The following RICTOR variants were observed in gnomAD, a reference collection of about 807,000 sequenced individuals.
RICTOR encodes rapamycin-insensitive companion of mTOR.
Under a neutral mutation model 214.9 loss-of-function variants are expected in RICTOR, and 49 were observed. That is an observed-to-expected ratio of 0.23 (90% CI 0.18 to 0.29). The LOEUF (loss-of-function observed/expected upper bound fraction) is 0.29. Among genes scored for constraint, RICTOR ranks in the 10% least tolerant of loss-of-function variants. The pLI is 1.00. For synonymous variants in RICTOR, 717 were observed against 711.3 expected (o/e 1.01, Z -0.13); for missense variants, 1,625 against 2,047.0 (o/e 0.79, Z 3.98).
chr5:39,066,608 T>G (rs994333567), intron 2 of RICTOR, among the ~76,000 whole-genome samples: 1 of 152,256 alleles, frequency 6.6e-6, no homozygotes, highest in Non-Finnish European at 1.5e-5. Context: ...CTTTATGCAG[T>G]GCTTCCTGTT....
Position 39,074,116 on chromosome 5 carries a change from G to A in RICTOR, c.92C>T (p.Thr31Ile), listed in dbSNP as rs755596387. 1 of 1,579,224 alleles carries A rather than the reference G, an allele frequency of 6.3e-7. No homozygotes were observed. Among genetic ancestry groups the A allele is most frequent in the Non-Finnish European group, 8.6e-7 (1 of 1,165,360 alleles). Residue 31 changes from threonine (T) to isoleucine (I), a missense_variant, in exon 2 of 38, where the codon ACC becomes ATC. Around this residue, in one of 5 missense-constraint regions of RICTOR, gnomAD observed 71 missense variants for 57.9 expected, o/e 1.23. Coordinates refer to ENST00000357387, the MANE Select transcript of RICTOR (RefSeq NM_152756.5). ...SGEENVPLDL[T>I]REPSDNLREI... ...CCCGCGGCGCCCCGCGTTACCTCGG[G>A]TCAGATCCAGCGGGACGTTCTCCTC... is the stretch of plus-strand genomic sequence containing the variant.
intron 2 of RICTOR, among the ~76,000 whole-genome samples, chr5:39,023,722 A>C (rs1228701092): frequency 1.3e-5 from 2 of 152,220 alleles, no homozygotes; most frequent in Non-Finnish European, 2.9e-5. Context: ...ATCAAATGAA[A>C]CGGTTTGCAC....
In RICTOR at chr5:38,989,143, C is replaced by T. The variant is rs183930070; in HGVS notation, c.583+1806G>A. 2.6e-4 allele frequency among the ~76,000 whole-genome samples: 40 copies of T among 152,168 alleles called. No individual in the cohort carries two copies. In the East Asian group the frequency reaches 4.6e-3, roughly 18 times the overall value. On this transcript the variant is annotated intron_variant, in intron 7 of 37. Coordinates refer to ENST00000357387, the MANE Select transcript of RICTOR (RefSeq NM_152756.5). ...CAAGGCTACAGTAACCAAAATAGCA[C>T]GGTACTGGTACCAAAACAGATACAT... is the stretch of plus-strand genomic sequence containing the variant.
At chr5:38,945,215 T>C (rs1408803512) in intron 34 of RICTOR, 147 bp from the exon 35 acceptor site, 4 of 664,534 alleles carry the variant, frequency 6.0e-6, no homozygotes, top group Non-Finnish European at 1.0e-5. Context: ...TTTTTCCTCA[T>C]AGAAAATGAA....
At chr5:38,963,501 T>C (rs1448844495) in intron 16 of RICTOR, among the ~76,000 whole-genome samples, 2 of 151,992 alleles carry the variant, frequency 1.3e-5, no homozygotes, top group African/African-American at 2.4e-5. Context: ...ATTTTCCACA[T>C]TGGTCTGTAA....
Position 38,949,766 on chromosome 5 carries a change from G to A in RICTOR, c.4082C>T (p.Thr1361Ile), listed in dbSNP as rs141067436. ...GTTGGCCTTCATGGTGATGGTATCA[G>A]TAAATAGCACATCTTTTGCTGGAGA... Reference protein sequence around the residue: ...LASPAKDVLFTDTITMKANSF... With the variant: ...LASPAKDVLFIDTITMKANSF... The change falls in exon 31 of 38, where the codon ACT becomes ATT. Residue 1361 changes from threonine to isoleucine, a missense_variant. By Grantham distance (89) the Thr-to-Ile change is moderately conservative. Around this residue, in one of 5 missense-constraint regions of RICTOR, gnomAD observed 1,214 missense variants for 1,470.5 expected, o/e 0.83. Coordinates refer to ENST00000357387, the MANE Select transcript of RICTOR (RefSeq NM_152756.5). 14 of 1,613,266 alleles carry A rather than the reference G, an allele frequency of 8.7e-6. No individual in the cohort carries two copies. The highest frequency in any genetic ancestry group is 1.1e-5 in the Non-Finnish European group (13 of 1,179,502).
intron 4 of RICTOR, 68 bp from the exon 5 acceptor site, chr5:39,002,734 C>T: frequency 6.8e-7 from 1 of 1,467,322 alleles, no homozygotes; most frequent in Non-Finnish European, 9.2e-7. Flanking sequence ...ATTATATTAC[C>T]AAATTATTCC....
intron 7 of RICTOR, among the ~76,000 whole-genome samples, chr5:38,984,949 A>T (rs1172403557): frequency 6.6e-6 from 1 of 152,010 alleles, no homozygotes; most frequent in Non-Finnish European, 1.5e-5. Flanking sequence ...CCTCCCAAGT[A>T]GCTGGGACTA....
chr5:38,981,749 G>C, intron 8 of RICTOR, 118 bp downstream of exon 8: 3 of 629,482 alleles, frequency 4.8e-6, no homozygotes, highest in Non-Finnish European at 5.3e-6. Flanking sequence ...AATTAGTGTC[G>C]GCTAATTTAG....
At chr5:38,947,960 G>A (rs566100386) in intron 31 of RICTOR, among the ~76,000 whole-genome samples, 5 of 152,056 alleles carry the variant, frequency 3.3e-5, no homozygotes, top group Non-Finnish European at 5.9e-5. Flanking sequence ...AGACACAAGA[G>A]CAAAATGGTC....
intron 3 of RICTOR, among the ~76,000 whole-genome samples, chr5:39,010,191 G>C (rs1392291055): frequency 6.6e-6 from 1 of 152,152 alleles, no homozygotes; most frequent in African/African-American, 2.4e-5. Context: ...CACGAGATCT[G>C]ATGGTTTTAT....
chr5:38,986,855 G>T (rs1175748442), intron 7 of RICTOR, among the ~76,000 whole-genome samples: 2 of 152,178 alleles, frequency 1.3e-5, no homozygotes, highest in African/African-American at 4.8e-5. Flanking sequence ...ATTGGCTGTG[G>T]ATTTGTCATA....
At position 38,996,183 on chromosome 5, in the gene RICTOR, A is replaced by G. The variant is rs187459862; in HGVS notation, c.456+636T>C. 6.8e-4 allele frequency among the ~76,000 whole-genome samples: 103 copies of G among 152,298 alleles called. 1 individual carries two copies. The highest frequency in any genetic ancestry group is 1.3e-3 in the Non-Finnish European group (90 of 68,000). On this transcript the variant is annotated intron_variant, in intron 6 of 37. Coordinates refer to ENST00000357387, the MANE Select transcript of RICTOR (RefSeq NM_152756.5). ...AACATTAAGATAAAATATGACTGAC[A>G]CTTGTCTCACTCAGGCTGTGTCCCA...
chr5:38,959,787 T>TA lies in RICTOR; in HGVS notation c.2042dup (p.Phe682IlefsTer6). 2 of 1,610,596 alleles carry TA rather than the reference T, an allele frequency of 1.2e-6. No individual in the cohort carries two copies. The highest frequency in any genetic ancestry group is 8.5e-7 in the Non-Finnish European group (1 of 1,176,998). On this transcript the variant is annotated frameshift_variant, in exon 21 of 38. Coordinates refer to ENST00000357387, the MANE Select transcript of RICTOR (RefSeq NM_152756.5). LOFTEE classifies it high-confidence loss of function. ...AATCTGGGAATGCTCACCACTGAAA[T>TA]ACACTGCATTTTTCCAGCATTTTAA... is the stretch of plus-strand genomic sequence containing the variant.
Position 38,962,658 on chromosome 5 carries a change from T to C in RICTOR, c.1567-72A>G, listed in dbSNP as rs146208088. 7.6e-4 allele frequency: 698 copies of C among 913,614 alleles called. 6 individuals are homozygous for C. In the African/African-American group the frequency reaches 0.011, roughly 14 times the overall value. 56.6% of individuals were successfully genotyped at this position (913,614 alleles called of 1,614,324 possible). A position where few individuals can be genotyped will look rare whatever the true frequency, so the allele number is the denominator to read the frequency against. ...CATATCAGAAAACTAAGTTCAAATT[T>C]GAAAAAATGAAAGGCAGCTTTTCCA... On this transcript the variant is annotated intron_variant, in intron 17 of 37. Coordinates refer to ENST00000357387, the MANE Select transcript of RICTOR (RefSeq NM_152756.5).
chr5:39,074,260 C>G (rs2150230176), intron 1 of RICTOR, 69 bp downstream of exon 1: 1 of 1,580,530 alleles, frequency 6.3e-7, no homozygotes, highest in Non-Finnish European at 8.6e-7. Context: ...CAACCCAGGG[C>G]CAGGGGAAGG....
In RICTOR at chr5:39,048,664, C is replaced by G. The variant is rs182711635; in HGVS notation, c.97+25447G>C. Reference sequence around the variant, plus strand: ...AGACTTTGCCCCATGTATCTTTTCCCTTTGCTAATTTTGTGTCATATCTTT... The same window carrying G: ...AGACTTTGCCCCATGTATCTTTTCCGTTTGCTAATTTTGTGTCATATCTTT... On this transcript the variant is annotated intron_variant, in intron 2 of 37. Transcript: ENST00000357387. 2.0e-5 allele frequency among the ~76,000 whole-genome samples: 3 copies of G among 152,270 alleles called. No individual in the cohort carries two copies. In the East Asian group the frequency reaches 5.8e-4, roughly 29 times the overall value.
At chr5:39,064,013 G>GT (rs1452374973) in intron 2 of RICTOR, among the ~76,000 whole-genome samples, 2 of 152,008 alleles carry the variant, frequency 1.3e-5, no homozygotes, top group Non-Finnish European at 2.9e-5. Flanking sequence ...ACATTGCTCA[G>GT]TTTACGCAAT....
At chr5:39,073,606 C>T (rs1759485824) in intron 2 of RICTOR, among the ~76,000 whole-genome samples, 1 of 152,216 alleles carries the variant, frequency 6.6e-6, no homozygotes, top group Non-Finnish European at 1.5e-5. Flanking sequence ...CTGCGGGTCC[C>T]CACAGGACGG....
Sources: gnomAD v4.1 joint callset for allele counts (sites outside exome capture counted in the v4.1 genomes callset) on GRCh38, gnomAD v4.1.1 for gene constraint, gnomAD v4.1.1 regional missense constraint, MANE v1.5 for transcripts, NCBI Gene and HGNC (gene_info 2026-07-23, HGNC 2026-07-21) for gene names.